The following SYN3 variants were observed in gnomAD, a reference collection of about 807,000 sequenced individuals.
SYN3 encodes synapsin-3.
A neutral mutation model predicts 65.8 loss-of-function variants in SYN3; 35 were observed. That is an observed-to-expected ratio of 0.53 (90% CI 0.41 to 0.70). The LOEUF (loss-of-function observed/expected upper bound fraction) is 0.70. Among genes scored for constraint, SYN3 ranks in the 30% least tolerant of loss-of-function variants. The probability of loss-of-function intolerance (pLI) is 0.00; values close to 1 mark genes in which losing one functional copy is unlikely to be tolerated. For missense variants in SYN3, 680 were observed against 749.0 expected (o/e 0.91, Z 1.08); for synonymous variants, 270 against 292.9 (o/e 0.92, Z 0.80).
At chr22:32,798,096 G>T (rs1157447238) in intron 6 of SYN3, among the ~76,000 whole-genome samples, 1 of 152,154 alleles carries the variant, frequency 6.6e-6, no homozygotes, top group African/African-American at 2.4e-5. Flanking sequence ...GCATTAGCTA[G>T]TAATTTAGGA....
chr22:32,665,753 G>A (rs2060281633), intron 6 of SYN3, among the ~76,000 whole-genome samples: 1 of 151,788 alleles, frequency 6.6e-6, no homozygotes, highest in Non-Finnish European at 1.5e-5. Context: ...GTGTCTCAGG[G>A]GTCAGCTCTC....
intron 6 of SYN3, among the ~76,000 whole-genome samples, chr22:32,774,733 T>C (rs529458430): frequency 5.9e-5 from 9 of 152,332 alleles, no homozygotes; most frequent in African/African-American, 2.2e-4. Flanking sequence ...TAGCTGGGAT[T>C]ACAGGCATGT....
intron 1 of SYN3, among the ~76,000 whole-genome samples, chr22:33,032,991 G>A (rs1569415711): frequency 6.6e-6 from 1 of 151,778 alleles, no homozygotes; most frequent in Non-Finnish European, 1.5e-5. Flanking sequence ...CTAGGCCTAG[G>A]TCACCCATGT....
rs1158007697 is a variant in SYN3, at chr22:33,000,651, C to A, written c.311+5701G>T. On this transcript the variant is annotated intron_variant, in intron 2 of 13. Transcript: ENST00000358763. ...GTAGAAAAGGGGGCAGCATCATCGT[C>A]CCCGTTGGGGTTGGGGTGGGTTCAC... Among the ~76,000 whole-genome samples, 8 of 152,328 alleles carry A rather than the reference C, an allele frequency of 5.3e-5. 1 individual carries two copies. In the South Asian group the frequency reaches 1.7e-3, roughly 32 times the overall value.
intron 6 of SYN3, among the ~76,000 whole-genome samples, chr22:32,690,112 G>A (rs1269761495): frequency 6.6e-6 from 1 of 152,166 alleles, no homozygotes; most frequent in Non-Finnish European, 1.5e-5. Flanking sequence ...GGAGGTGGAG[G>A]TTGCAGTTAG....
chr22:32,599,216 T>C (rs2059245976), intron 6 of SYN3, among the ~76,000 whole-genome samples: 2 of 152,316 alleles, frequency 1.3e-5, no homozygotes, highest in South Asian at 4.1e-4. Context: ...AACTTAATAA[T>C]AATTATGAAA....
intron 3 of SYN3, among the ~76,000 whole-genome samples, chr22:32,942,454 A>G (rs1323189208): frequency 2.0e-5 from 3 of 152,246 alleles, no homozygotes; most frequent in African/African-American, 7.2e-5. Context: ...GTACGTCACC[A>G]TCATCAAAGA....
intron 12 of SYN3, among the ~76,000 whole-genome samples, chr22:32,519,876 G>A (rs1182313465): frequency 2.4e-4 from 37 of 152,104 alleles, no homozygotes; most frequent in Admixed American, 2.4e-3. Context: ...ACTAAAAGGT[G>A]CTGGAACCCA....
intron 5 of SYN3, among the ~76,000 whole-genome samples, chr22:32,867,193 G>A (rs2048709960): frequency 1.3e-5 from 2 of 152,164 alleles, no homozygotes; most frequent in Admixed American, 1.3e-4. Flanking sequence ...ACAGCTATGA[G>A]CTTCATAGAG....
chr22:32,518,107 C>T lies in SYN3; in HGVS notation c.1546G>A (p.Gly516Ser), dbSNP rs147065250. Reference protein sequence around the residue: ...LASQPRPPVQGRSTSQQGEES... With the variant: ...LASQPRPPVQSRSTSQQGEES... ...TCACCCTGCTGGGAGGTACTACGGC[C>T]CTGCACAGGGGGCCGGGGCTGTGAG... is the stretch of plus-strand genomic sequence containing the variant. The change falls in exon 13 of 14, where the codon GGC becomes AGC. Residue 516 changes from glycine to serine, a missense_variant. Gly to Ser is a moderately conservative substitution (Grantham distance 56, BLOSUM62 0). Transcript: ENST00000358763. 1.9e-6 allele frequency: 3 copies of T among 1,585,688 alleles called. No homozygotes were observed. The highest frequency in any genetic ancestry group is 2.6e-6 in the Non-Finnish European group (3 of 1,166,676).
At chr22:33,052,835 T>C (rs1469796264) in intron 1 of SYN3, among the ~76,000 whole-genome samples, 1 of 152,210 alleles carries the variant, frequency 6.6e-6, no homozygotes, top group Non-Finnish European at 1.5e-5. Flanking sequence ...TCTAAACCAA[T>C]GGTTCCTGAA....
intron 13 of SYN3, among the ~76,000 whole-genome samples, chr22:32,515,013 CA>C (rs969373157): frequency 5.9e-4 from 82 of 138,354 alleles, no homozygotes; most frequent in African/African-American, 1.8e-3. Context: ...GACTCCATCT[CA>C]AAAAAAAAAA....
At chr22:32,875,703 G>T (rs2048965139) in intron 4 of SYN3, among the ~76,000 whole-genome samples, 1 of 152,178 alleles carries the variant, frequency 6.6e-6, no homozygotes, top group Non-Finnish European at 1.5e-5. Flanking sequence ...AGAGATTGGA[G>T]TGATGTGTCT....
At chr22:32,668,052 A>G (rs1362145514) in intron 6 of SYN3, among the ~76,000 whole-genome samples, 1 of 151,970 alleles carries the variant, frequency 6.6e-6, no homozygotes, top group East Asian at 1.9e-4. Flanking sequence ...CAGCCTCCCA[A>G]AGTGCTGGGA....
At chr22:32,590,558 C>T (rs758777584) in intron 7 of SYN3, among the ~76,000 whole-genome samples, 31 of 152,176 alleles carry the variant, frequency 2.0e-4, no homozygotes, top group Non-Finnish European at 2.8e-4. Context: ...AACTCCTGTG[C>T]GATCAGCTTA....
chr22:32,679,630 C>T lies in SYN3; in HGVS notation c.712-82894G>A, dbSNP rs376691482. Reference sequence around the variant, plus strand: ...AAGTATTTTAATTTTTCCATAGCTTCATCAACACTTTTGTTTTTAATAACA... The same window carrying T: ...AAGTATTTTAATTTTTCCATAGCTTTATCAACACTTTTGTTTTTAATAACA... On this transcript the variant is annotated intron_variant, in intron 6 of 13. Transcript: ENST00000358763. Among the ~76,000 whole-genome samples, 787 of 152,160 alleles carry T rather than the reference C, an allele frequency of 5.2e-3. 6 individuals carry two copies. Among genetic ancestry groups the T allele is most frequent in the South Asian group, 0.038 (182 of 4,816 alleles).
rs763635871 is a variant in SYN3 at position 32,518,062 on chromosome 22, G to C, written c.1591C>G (p.Pro531Ala). The change falls in exon 13 of 14, where the codon CCA becomes GCA. Residue 531 changes from proline (P) to alanine (A), a missense_variant. Pro to Ala is a conservative substitution (Grantham distance 27, BLOSUM62 -1). Coordinates refer to ENST00000358763, the MANE Select transcript of SYN3 (RefSeq NM_003490.4). ...ACTTACTTGAGATGCGGATGGGGTG[G>C]TGCTGGCTTCTTGGACTCTTCACCC... ...QQGEESKKPA[P>A]PHPHLNKSQS... 1.8e-5 allele frequency: 27 copies of C among 1,528,196 alleles called. No homozygotes were observed. The Admixed American group carries it at 5.7e-4, about 32-fold the overall frequency. 94.7% of individuals were successfully genotyped at this position (1,528,196 alleles called of 1,614,324 possible). A position where few individuals can be genotyped will look rare whatever the true frequency, so the allele number is the denominator to read the frequency against.
At position 32,998,008 on chromosome 22, in the gene SYN3, C is replaced by T. The variant is rs917227328; in HGVS notation, c.311+8344G>A. 8.7e-5 allele frequency among the ~76,000 whole-genome samples: 12 copies of T among 138,722 alleles called. No homozygotes were observed. In the South Asian group the frequency reaches 1.4e-3, roughly 16 times the overall value. 91.0% of individuals were successfully genotyped at this position (138,722 alleles called of 152,430 possible). A position where few individuals can be genotyped will look rare whatever the true frequency, so the allele number is the denominator to read the frequency against. On this transcript the variant is annotated intron_variant, in intron 2 of 13. Transcript: ENST00000358763. Reference sequence around the variant, plus strand: ...AACCACTGCACTCCAGCCTGGGTGACAGAGCGAGACTCCATCTCAAAAAAA... The same window carrying T: ...AACCACTGCACTCCAGCCTGGGTGATAGAGCGAGACTCCATCTCAAAAAAA...
intron 6 of SYN3, among the ~76,000 whole-genome samples, chr22:32,773,568 T>C (rs991815601): frequency 1.3e-5 from 2 of 152,196 alleles, no homozygotes; most frequent in Non-Finnish European, 2.9e-5. Flanking sequence ...ATTTTCTGGA[T>C]GTAATTGTTG....
Sources: allele counts gnomAD v4.1 joint callset (sites outside exome capture counted in the v4.1 genomes callset), GRCh38; gene constraint gnomAD v4.1.1; transcripts MANE v1.5; gene names NCBI Gene and HGNC (gene_info 2026-07-23, HGNC 2026-07-21).